The following LIX1 variants were observed in gnomAD, a reference collection of about 807,000 sequenced individuals.
LIX1 encodes the protein protein limb expression 1 homolog.
LIX1 carries 24 observed loss-of-function variants against 33.4 expected under a neutral mutation model. The ratio of observed to expected loss-of-function variants is 0.72; its 90% CI spans 0.52 to 1.01. The LOEUF (loss-of-function observed/expected upper bound fraction) is 1.01. Among genes scored for constraint, LIX1 ranks in the 50% least tolerant of loss-of-function variants. The pLI, the probability that LIX1 is intolerant of heterozygous loss-of-function variation, is 0.00. For synonymous variants in LIX1, 124 were observed against 124.0 expected, an observed-to-expected ratio of 1.00 and a Z score of 0.00; for missense variants, 311 against 339.2, an observed-to-expected ratio of 0.92 and a Z score of 0.65.
chr5:97,140,346 G>A (rs961687246), intron 1 of LIX1, among the ~76,000 whole-genome samples: 1 of 152,152 alleles, frequency 6.6e-6, no homozygotes, highest in African/African-American at 2.4e-5. Context: ...TTTTCTTAAG[G>A]AATTGGCAGT....
intron 1 of LIX1, among the ~76,000 whole-genome samples, chr5:97,126,189 T>C (rs1561502294): frequency 6.6e-6 from 1 of 152,272 alleles, no homozygotes; most frequent in Admixed American, 6.5e-5. Context: ...CTTTCAAACA[T>C]GCTTTGTGTA....
In LIX1 at chr5:97,119,187, G is replaced by A. The variant is rs192659045; in HGVS notation, c.246+5279C>T. Among the ~76,000 whole-genome samples the A allele has an allele frequency of 5.3e-5, 8 of 152,248 alleles. No homozygotes were observed. The East Asian group carries it at 1.5e-3, about 29-fold the overall frequency. On this transcript the variant is annotated intron_variant, in intron 2 of 5. Transcript: ENST00000274382. ...ATTACTTGGCACCATTGGTGGTGAC[G>A]TCCATGGCTCAGTAAGAAGGCTACT...
At chr5:97,095,367 C>T (rs1018381437) in intron 5 of LIX1, among the ~76,000 whole-genome samples, 1 of 152,188 alleles carries the variant, frequency 6.6e-6, no homozygotes, top group African/African-American at 2.4e-5. Flanking sequence ...AATATGACCT[C>T]ATTTATTCAT....
intron 2 of LIX1, among the ~76,000 whole-genome samples, chr5:97,121,990 C>T (rs569372526): frequency 6.6e-6 from 1 of 152,252 alleles, no homozygotes; most frequent in South Asian, 2.1e-4. Context: ...GTTGGAGAGC[C>T]TCTTCCTCAA....
chr5:97,095,084 G>T, intron 5 of LIX1, 49 bp from the exon 6 acceptor site: 1 of 1,558,014 alleles, frequency 6.4e-7, no homozygotes, highest in Non-Finnish European at 8.8e-7. Context: ...AGCAACAAAG[G>T]CACCCGTCCA....
chr5:97,136,952 T>A (rs1748185837), intron 1 of LIX1, among the ~76,000 whole-genome samples: 1 of 152,180 alleles, frequency 6.6e-6, no homozygotes, highest in Admixed American at 6.5e-5. Flanking sequence ...TAAGAGTGTT[T>A]GGGGTTAAAA....
intron 4 of LIX1, among the ~76,000 whole-genome samples, chr5:97,102,673 A>G (rs891172256): frequency 2.0e-5 from 3 of 152,152 alleles, no homozygotes; most frequent in Non-Finnish European, 4.4e-5. Context: ...CAATTAAACT[A>G]TTACTAAAAG....
intron 1 of LIX1, among the ~76,000 whole-genome samples, chr5:97,129,263 T>G (rs1418227993): frequency 6.6e-6 from 1 of 152,046 alleles, no homozygotes; most frequent in Non-Finnish European, 1.5e-5. Flanking sequence ...CAAAATAATC[T>G]CAAAGCCCTT....
chr5:97,124,680 T>G, intron 1 of LIX1, 51 bp from the exon 2 acceptor site: 1 of 1,516,356 alleles, frequency 6.6e-7, no homozygotes, highest in Non-Finnish European at 8.9e-7. Context: ...CATAATCTGG[T>G]GCAAAACCAA....
chr5:97,122,274 A>C (rs148131219), intron 2 of LIX1, among the ~76,000 whole-genome samples: 2 of 152,162 alleles, frequency 1.3e-5, no homozygotes, highest in Non-Finnish European at 2.9e-5. Context: ...GCATTTGTTC[A>C]TGTGAACCTG....
chr5:97,140,538 C>T (rs776916830), intron 1 of LIX1, among the ~76,000 whole-genome samples: 2 of 152,092 alleles, frequency 1.3e-5, no homozygotes, highest in African/African-American at 4.8e-5. Context: ...ATGGGTATGC[C>T]AAAGAAAATG....
intron 1 of LIX1, among the ~76,000 whole-genome samples, chr5:97,139,438 C>T (rs574679841): frequency 2.8e-4 from 43 of 152,290 alleles, no homozygotes; most frequent in African/African-American, 9.1e-4. Flanking sequence ...TGAGAAAGTA[C>T]GCAAGGAATT....
rs755274739 is a variant in LIX1, at chr5:97,092,982, A to G, written c.*1766T>C. 3 of 152,384 alleles carry G rather than the reference A, an allele frequency of 2.0e-5. No homozygotes were observed. Among genetic ancestry groups the G allele is most frequent in the Non-Finnish European group, 2.9e-5 (2 of 68,038 alleles). 9.4% of individuals were successfully genotyped at this position (152,384 alleles called of 1,614,324 possible). On this transcript the variant is annotated 3_prime_UTR_variant, in exon 6 of 6. Transcript: ENST00000274382. ...GGAATAAAGTTCTTTCGTGGGTGACATTTAGCCTCATTGTGGAGAGGAATG... is the reference window on the plus strand; with the variant it reads ...GGAATAAAGTTCTTTCGTGGGTGACGTTTAGCCTCATTGTGGAGAGGAATG...
chr5:97,094,787 A>C lies in LIX1; in HGVS notation c.810T>G (p.Asp270Glu). The change falls in exon 6 of 6, where the codon GAT (aspartate) becomes GAG (glutamate). Residue 270 changes from aspartate to glutamate, a missense_variant. Coordinates refer to ENST00000274382, the MANE Select transcript of LIX1 (RefSeq NM_153234.5). ...ACAGGGCCGTAAGGCTCAGCTGATC[A>C]TCACTGGGTGAGGAAGTGTCAGGGT... Reference protein sequence around the residue: ...CSDPDTSSPSDDQLSLTALCG... With the variant: ...CSDPDTSSPSEDQLSLTALCG... The C allele has an allele frequency of 6.2e-7, 1 of 1,614,198 alleles. No individual in the cohort carries two copies. Among genetic ancestry groups the C allele is most frequent in the Non-Finnish European group, 8.5e-7 (1 of 1,180,030 alleles).
At chr5:97,129,636 A>G (rs1328025614) in intron 1 of LIX1, among the ~76,000 whole-genome samples, 1 of 152,186 alleles carries the variant, frequency 6.6e-6, no homozygotes, top group Non-Finnish European at 1.5e-5. Flanking sequence ...TTGCCTCTAT[A>G]GTCCATGTTC....
intron 2 of LIX1, among the ~76,000 whole-genome samples, chr5:97,121,836 C>T (rs1747791572): frequency 6.6e-6 from 1 of 152,144 alleles, no homozygotes. Flanking sequence ...CTGACAAAAC[C>T]TTCCTCTATG....
In LIX1 at chr5:97,142,390, T is replaced by C. The variant is rs77251653; in HGVS notation, c.82+105A>G. The C allele has an allele frequency of 9.9e-5, 75 of 755,198 alleles. No individual in the cohort carries two copies. In the African/African-American group the frequency reaches 1.2e-3, roughly 12 times the overall value. The allele number at this position is 755,198 out of a possible 1,614,324, so 46.8% of individuals were successfully genotyped here. A position where few individuals can be genotyped will look rare whatever the true frequency, so the allele number is the denominator to read the frequency against. ...TTAAAATATCACTTAGAACACAGCA[T>C]ACGACTGCAGAGATTTAGGAGAAAT... On this transcript the variant is annotated intron_variant, in intron 1 of 5. Transcript: ENST00000274382.
At chr5:97,119,618 C>G (rs1430337446) in intron 2 of LIX1, among the ~76,000 whole-genome samples, 2 of 152,102 alleles carry the variant, frequency 1.3e-5, no homozygotes, top group Non-Finnish European at 2.9e-5. Context: ...TAACAGTCCT[C>G]CTGAGAGCCT....
At chr5:97,095,875 A>G (rs1746349093) in intron 5 of LIX1, among the ~76,000 whole-genome samples, 2 of 152,224 alleles carry the variant, frequency 1.3e-5, no homozygotes, top group Admixed American at 6.5e-5. Flanking sequence ...CCCAACCAGC[A>G]TATTTCAAAG....
Sources: allele counts gnomAD v4.1 joint callset (sites outside exome capture counted in the v4.1 genomes callset), GRCh38; gene constraint gnomAD v4.1.1; transcripts MANE v1.5; gene names NCBI Gene and HGNC (gene_info 2026-07-23, HGNC 2026-07-21).